Variants in FUT8 observed in about 807,000 individuals in gnomAD.
The protein encoded by FUT8 is alpha-(1,6)-fucosyltransferase.
A neutral mutation model predicts 71.3 loss-of-function variants in FUT8; 29 were observed. That is an observed-to-expected ratio of 0.41 (90% CI 0.30 to 0.55). The LOEUF (loss-of-function observed/expected upper bound fraction) is 0.55. Among genes scored for constraint, FUT8 ranks in the 20% least tolerant of loss-of-function variants. The pLI is 0.34. For missense variants in FUT8, 544 were observed against 702.1 expected, an observed-to-expected ratio of 0.77 and a Z score of 2.55; for synonymous variants, 254 against 239.3, an observed-to-expected ratio of 1.06 and a Z score of -0.57.
chr14:65,667,683 C>T (rs1360830387), intron 6 of FUT8, among the ~76,000 whole-genome samples: 1 of 152,070 alleles, frequency 6.6e-6, no homozygotes, highest in Non-Finnish European at 1.5e-5. Context: ...ATTTAAAATT[C>T]ATACAGAATC....
At chr14:65,545,149 C>A (rs1884915299) in intron 2 of FUT8, among the ~76,000 whole-genome samples, 1 of 151,960 alleles carries the variant, frequency 6.6e-6, no homozygotes, top group Admixed American at 6.6e-5. Flanking sequence ...TTACTTGTTC[C>A]TTTCTACTTC....
intron 3 of FUT8, among the ~76,000 whole-genome samples, chr14:65,602,204 A>G: frequency 6.7e-6 from 1 of 149,486 alleles, no homozygotes; most frequent in East Asian, 1.9e-4. Flanking sequence ...CTTAGCTCCC[A>G]CTTATGAGTG....
At chr14:65,579,731 G>A (rs1594785253) in intron 3 of FUT8, among the ~76,000 whole-genome samples, 3 of 152,092 alleles carry the variant, frequency 2.0e-5, no homozygotes, top group African/African-American at 7.2e-5. Flanking sequence ...GTCCTTTAGA[G>A]TCCCCAGTGG....
chr14:65,372,488 T>C, the FUT8 span, among the ~76,000 whole-genome samples: 1 of 151,954 alleles, frequency 6.6e-6, no homozygotes, highest in Non-Finnish European at 1.5e-5. Flanking sequence ...CGATCTTGGC[T>C]CACTGCAACC....
the FUT8 span, among the ~76,000 whole-genome samples, chr14:65,362,880 C>T: frequency 0.96 from 145,029 of 151,086 alleles, 69,906 homozygotes; most frequent in East Asian, 1. Flanking sequence ...GAGAATGGCG[C>T]GAACCTGGGA....
intron 6 of FUT8, among the ~76,000 whole-genome samples, chr14:65,650,719 A>C (rs890684700): frequency 7.2e-4 from 109 of 150,576 alleles, no homozygotes; most frequent in African/African-American, 3.7e-4. Flanking sequence ...AAAAAAAAAA[A>C]AAAAAAAAAA....
intron 3 of FUT8, among the ~76,000 whole-genome samples, chr14:65,566,376 A>T (rs996005076): frequency 1.3e-5 from 2 of 151,990 alleles, no homozygotes; most frequent in Non-Finnish European, 1.5e-5. Context: ...TGGTTGATGG[A>T]ACTACAAAGA....
chr14:65,662,771 G>A (rs1892030582), intron 6 of FUT8, among the ~76,000 whole-genome samples: 1 of 152,052 alleles, frequency 6.6e-6, no homozygotes, highest in African/African-American at 2.4e-5. Flanking sequence ...GGTAATTTTT[G>A]TGTCTATTTT....
intron 5 of FUT8, among the ~76,000 whole-genome samples, chr14:65,628,054 T>G (rs1889991051): frequency 6.6e-6 from 1 of 152,126 alleles, no homozygotes; most frequent in Non-Finnish European, 1.5e-5. Flanking sequence ...TGGGAAAACC[T>G]TATGAAGATG....
At chr14:65,403,803 A>G in the FUT8 span, among the ~76,000 whole-genome samples, 1 of 148,932 alleles carries the variant, frequency 6.7e-6, no homozygotes, top group African/African-American at 2.5e-5. Flanking sequence ...CCTTCCCCAG[A>G]TTGTCTATTT....
chr14:65,513,657 A>AAATAG (rs1445433665), intron 2 of FUT8, among the ~76,000 whole-genome samples: 2 of 151,808 alleles, frequency 1.3e-5, no homozygotes, highest in Non-Finnish European at 2.9e-5. Context: ...AAACAAAACA[A>AAATAG]AAAATCGATC....
intron 3 of FUT8, among the ~76,000 whole-genome samples, chr14:65,583,406 G>A (rs1456055700): frequency 6.6e-6 from 1 of 151,956 alleles, no homozygotes; most frequent in Non-Finnish European, 1.5e-5. Context: ...TAGAATTCTT[G>A]TCAATATTAT....
chr14:65,586,026 A>G (rs1887360751), intron 3 of FUT8, among the ~76,000 whole-genome samples: 1 of 152,246 alleles, frequency 6.6e-6, no homozygotes. Context: ...GTAAAGATCT[A>G]GCATTAAAAT....
intron 6 of FUT8, among the ~76,000 whole-genome samples, chr14:65,659,903 G>A (rs1187930133): frequency 6.6e-6 from 1 of 152,112 alleles, no homozygotes; most frequent in East Asian, 1.9e-4. Context: ...AATTTTGTAA[G>A]CATGCTCTTT....
At chr14:65,582,017 C>CTA (rs1200932815) in intron 3 of FUT8, among the ~76,000 whole-genome samples, 1 of 152,112 alleles carries the variant, frequency 6.6e-6, no homozygotes, top group African/African-American at 2.4e-5. Context: ...AATCTTGTTG[C>CTA]TATAACTGTA....
rs1895618219 is a variant in FUT8 at position 65,725,205 on chromosome 14, T to C, written c.1259+882T>C. On this transcript the variant is annotated intron_variant, in intron 9 of 10. Transcript: ENST00000673929. ...AGTTGAGGAATAAAGACTACTACTG[T>C]GTATGGAACAGTAACAATTATTTTT... Among the ~76,000 whole-genome samples the C allele has an allele frequency of 3.9e-5, 6 of 152,326 alleles. No homozygotes were observed. In the South Asian group the frequency reaches 6.2e-4, roughly 16 times the overall value.
At chr14:65,473,091 T>C (rs1162263833) in intron 2 of FUT8, among the ~76,000 whole-genome samples, 2 of 152,204 alleles carry the variant, frequency 1.3e-5, no homozygotes, top group Non-Finnish European at 2.9e-5. Flanking sequence ...TAGTCCTTTT[T>C]CATACACAAT....
At chr14:65,401,141 C>G in the FUT8 span, among the ~76,000 whole-genome samples, 1 of 152,172 alleles carries the variant, frequency 6.6e-6, no homozygotes, top group African/African-American at 2.4e-5. Context: ...TTGGAAACAA[C>G]ACACGGGGGA....
intron 7 of FUT8, among the ~76,000 whole-genome samples, chr14:65,673,856 G>A (rs1286831035): frequency 6.6e-6 from 1 of 152,096 alleles, no homozygotes; most frequent in African/African-American, 2.4e-5. Context: ...TGACTTTTTT[G>A]TTATCTCATA....
Sources: allele counts gnomAD v4.1 joint callset (sites outside exome capture counted in the v4.1 genomes callset), GRCh38; gene constraint gnomAD v4.1.1; transcripts MANE v1.5; gene names NCBI Gene and HGNC (gene_info 2026-07-23, HGNC 2026-07-21).